Variants in ATP5PF observed in about 807,000 individuals in gnomAD.
ATP5PF encodes the protein ATP synthase peripheral stalk subunit F6.
A neutral mutation model predicts 12.0 loss-of-function variants in ATP5PF; 7 were observed. The observed-to-expected ratio is 0.58, with a 90% CI of 0.33 to 1.10. The LOEUF (loss-of-function observed/expected upper bound fraction) is 1.10. Ranked by LOEUF, ATP5PF falls within the 50% of genes least tolerant of loss-of-function variation. The pLI is 0.03. For missense variants in ATP5PF, 120 were observed against 127.7 expected (o/e 0.94, Z 0.29); for synonymous variants, 41 against 45.4 (o/e 0.90, Z 0.39).
upstream of ATP5PF, chr21:25,734,980 G>A (rs1568933434): frequency 1.9e-6 from 3 of 1,560,006 alleles, no homozygotes; most frequent in African/African-American, 4.1e-5. Context: ...TCAGTCGGTC[G>A]ACGCTCACCG....
Position 25,725,249 on chromosome 21 carries a change from G to C in ATP5PF, c.266C>G (p.Thr89Arg). The change falls in exon 3 of 4, where the codon ACA becomes AGA. Residue 89 changes from threonine (T) to arginine (R), a missense_variant. Physicochemically the swap from Thr to Arg is moderately conservative, Grantham distance 71. Coordinates refer to ENST00000284971, the MANE Select transcript of ATP5PF (RefSeq NM_001003703.2). Reference sequence around the variant, plus strand: ...ACCTTCAAATTTGAAGGTGGGAAATGTATTCATGTCTGCATTACCAAACAT... The same window carrying C: ...ACCTTCAAATTTGAAGGTGGGAAATCTATTCATGTCTGCATTACCAAACAT... ...KQMFGNADMNTFPTFKFEDPK... is the reference protein window; with the variant it reads ...KQMFGNADMNRFPTFKFEDPK... The C allele has an allele frequency of 1.2e-6, 2 of 1,611,246 alleles. No homozygotes were observed. Among genetic ancestry groups the C allele is most frequent in the Non-Finnish European group, 1.7e-6 (2 of 1,179,476 alleles).
intron 1 of ATP5PF, among the ~76,000 whole-genome samples, chr21:25,732,657 A>AG (rs2034816694): frequency 6.6e-6 from 1 of 151,778 alleles, no homozygotes; most frequent in South Asian, 2.1e-4. Flanking sequence ...AAAAAAAAAA[A>AG]AAAGAAAGAA....
At chr21:25,724,944 A>G in intron 3 of ATP5PF, 1 of 584,650 alleles carries the variant, frequency 1.7e-6, no homozygotes, top group East Asian at 3.1e-5. Context: ...GGAGACATGC[A>G]CCAGTTAATT....
chr21:25,735,287 C>T (rs2034997338), upstream of ATP5PF: 1 of 380,966 alleles, frequency 2.6e-6, no homozygotes, highest in South Asian at 3.8e-5. Flanking sequence ...TAAAACAAAG[C>T]GGATTGGGGC....
rs2034622679 is a variant in ATP5PF, at chr21:25,726,490, T to C, written c.165-1140A>G. Among the ~76,000 whole-genome samples, 8 of 152,158 alleles carry C rather than the reference T, an allele frequency of 5.3e-5. 1 individual carries two copies. The South Asian group carries it at 1.7e-3, about 31-fold the overall frequency. ...TGGGGCCAGGGTTTATTTTGAGACC[T>C]TCTAAGATGGAAAAAGCAAAGACAT... On this transcript the variant is annotated intron_variant, in intron 2 of 3. Coordinates refer to ENST00000284971, the MANE Select transcript of ATP5PF (RefSeq NM_001003703.2).
chr21:25,735,213 G>A, upstream of ATP5PF: 1 of 591,480 alleles, frequency 1.7e-6, no homozygotes, highest in Non-Finnish European at 3.0e-6. Context: ...GCTCCCCTCC[G>A]AGTCAGCGTC....
At chr21:25,733,994 G>A (rs529019677) in intron 1 of ATP5PF, among the ~76,000 whole-genome samples, 23 of 152,286 alleles carry the variant, frequency 1.5e-4, no homozygotes, top group African/African-American at 5.1e-4. Context: ...GCATTCAACA[G>A]TTCTCATCTC....
intron 1 of ATP5PF, chr21:25,734,585 C>T (rs2034939938): frequency 4.8e-6 from 2 of 420,430 alleles, no homozygotes; most frequent in Non-Finnish European, 7.6e-6. Flanking sequence ...AGCCAGGCTG[C>T]GGGCCCGAGA....
intron 2 of ATP5PF, among the ~76,000 whole-genome samples, chr21:25,727,776 C>G (rs2034656160): frequency 6.6e-6 from 1 of 152,192 alleles, no homozygotes; most frequent in Non-Finnish European, 1.5e-5. Flanking sequence ...TCAAAATTCC[C>G]TGACGAGTCC....
At chr21:25,734,968 T>A, upstream of ATP5PF, 1 of 1,567,432 alleles carries the variant, frequency 6.4e-7, no homozygotes, top group Non-Finnish European at 8.6e-7. Flanking sequence ...TGGGCCGCCG[T>A]TTCAGTCGGT....
intron 1 of ATP5PF, among the ~76,000 whole-genome samples, chr21:25,733,656 T>C (rs1426726228): frequency 1.3e-5 from 2 of 152,170 alleles, no homozygotes; most frequent in East Asian, 1.9e-4. Flanking sequence ...CATTCAGCAA[T>C]AGGTTCACCC....
At chr21:25,731,071 G>A (rs2034763069) in intron 1 of ATP5PF, among the ~76,000 whole-genome samples, 1 of 152,010 alleles carries the variant, frequency 6.6e-6, no homozygotes, top group African/African-American at 2.4e-5. Context: ...GTGAAACCCT[G>A]TCTCCACTAA....
Position 25,729,703 on chromosome 21 carries a change from G to A in ATP5PF, c.92C>T (p.Ala31Val). 6.3e-7 allele frequency: 1 copy of A among 1,597,712 alleles called. No homozygotes were observed. The highest frequency in any genetic ancestry group is 8.5e-7 in the Non-Finnish European group (1 of 1,170,422). Reference protein sequence around the residue: ...LRRNIGVTAVAFNKELDPIQK... With the variant: ...LRRNIGVTAVVFNKELDPIQK... ...TATAGGATCAAGTTCCTTATTAAATGCCACTGCTGTAACACCAATGTTCCT... is the reference window on the plus strand; with the variant it reads ...TATAGGATCAAGTTCCTTATTAAATACCACTGCTGTAACACCAATGTTCCT... The change falls in exon 2 of 4, where the codon GCA becomes GTA. Residue 31 changes from alanine (A) to valine (V), a missense_variant. By Grantham distance (64) the Ala-to-Val change is moderately conservative. Coordinates refer to ENST00000284971, the MANE Select transcript of ATP5PF (RefSeq NM_001003703.2).
At chr21:25,729,003 G>GC (rs5843169) in intron 2 of ATP5PF, among the ~76,000 whole-genome samples, 44,338 of 152,082 alleles carry the variant, frequency 0.29, 8,459 homozygotes, top group African/African-American at 0.54. Flanking sequence ...TAAGATTTGG[G>GC]TTTGGACCTG....
At chr21:25,733,701 C>T (rs1397316651) in intron 1 of ATP5PF, among the ~76,000 whole-genome samples, 1 of 152,140 alleles carries the variant, frequency 6.6e-6, no homozygotes, top group Non-Finnish European at 1.5e-5. Context: ...GTGCAAAGTA[C>T]TTCCATATAT....
chr21:25,725,438 C>T, intron 2 of ATP5PF, 88 bp from the exon 3 acceptor site: 7 of 1,033,186 alleles, frequency 6.8e-6, no homozygotes, highest in Middle Eastern at 3.6e-4. Flanking sequence ...TCCAACAGAT[C>T]TTTTTTTTTT....
intron 3 of ATP5PF, 132 bp from the exon 4 acceptor site, chr21:25,724,809 A>T (rs2034573750): frequency 1.1e-6 from 1 of 876,890 alleles, no homozygotes; most frequent in Admixed American, 3.1e-5. Context: ...TTTACATAGA[A>T]ATATAGCTAA....
In ATP5PF at chr21:25,730,602, C is replaced by T. The variant is rs1229254760; in HGVS notation, c.-7-801G>A. Reference sequence around the variant, plus strand: ...TACAAAAATTAGCTGGGCGTGGTGGCGCATGCCTGTAATCCCAGCTACTCA... The same window carrying T: ...TACAAAAATTAGCTGGGCGTGGTGGTGCATGCCTGTAATCCCAGCTACTCA... On this transcript the variant is annotated intron_variant, in intron 1 of 3. Coordinates refer to ENST00000284971, the MANE Select transcript of ATP5PF (RefSeq NM_001003703.2). Among the ~76,000 whole-genome samples the T allele has an allele frequency of 5.9e-5, 9 of 151,512 alleles. No homozygotes were observed. In the East Asian group the frequency reaches 1.4e-3, roughly 23 times the overall value.
chr21:25,732,276 C>G (rs1249174637), intron 1 of ATP5PF, among the ~76,000 whole-genome samples: 1 of 152,180 alleles, frequency 6.6e-6, no homozygotes, highest in South Asian at 2.1e-4. Context: ...CCTCCCACCC[C>G]TAAGAATTAT....
Sources: gnomAD v4.1 joint callset for allele counts (sites outside exome capture counted in the v4.1 genomes callset) on GRCh38, gnomAD v4.1.1 for gene constraint, MANE v1.5 for transcripts, NCBI Gene and HGNC (gene_info 2026-07-23, HGNC 2026-07-21) for gene names.